The following CD96 variants were observed in gnomAD, a reference collection of about 807,000 sequenced individuals.
CD96 encodes CD96 molecule, also known as T-cell surface protein tactile.
CD96 carries 70 observed loss-of-function variants against 71.3 expected under a neutral mutation model. That is an observed-to-expected ratio of 0.98 (90% CI 0.81 to 1.20). CD96 has a LOEUF of 1.20. Among genes scored for constraint, CD96 ranks in the 50% most tolerant of loss-of-function variants. The pLI is 0.00. For missense variants in CD96, 742 were observed against 677.5 expected, an observed-to-expected ratio of 1.10 and a Z score of -1.06; for synonymous variants, 248 against 233.0, an observed-to-expected ratio of 1.06 and a Z score of -0.59.
intron 12 of CD96, among the ~76,000 whole-genome samples, chr3:111,645,315 A>G (rs1576430542): frequency 6.6e-6 from 1 of 152,264 alleles, no homozygotes; most frequent in Non-Finnish European, 1.5e-5. Flanking sequence ...GTGGGAAGCT[A>G]AGCTATGAGG....
downstream of CD96, among the ~76,000 whole-genome samples, chr3:111,656,668 G>T (rs1940237611): frequency 6.6e-6 from 1 of 152,174 alleles, no homozygotes; most frequent in African/African-American, 2.4e-5. Context: ...GAGTTAATGT[G>T]CAGTTGTAAA....
intron 3 of CD96, among the ~76,000 whole-genome samples, chr3:111,570,254 T>A (rs1342363484): frequency 1.3e-5 from 2 of 152,124 alleles, no homozygotes; most frequent in Admixed American, 1.3e-4. Flanking sequence ...CCAGCAGACC[T>A]ATTGGGAATT....
intron 4 of CD96, among the ~76,000 whole-genome samples, chr3:111,584,884 C>T (rs777986681): frequency 2.6e-5 from 4 of 152,268 alleles, no homozygotes; most frequent in South Asian, 2.1e-4. Context: ...ACCCATCCTC[C>T]GCTTGCACTA....
intron 2 of CD96, among the ~76,000 whole-genome samples, chr3:111,561,289 G>T (rs1422669554): frequency 6.7e-6 from 1 of 150,128 alleles, no homozygotes; most frequent in Non-Finnish European, 1.5e-5. Flanking sequence ...GGCGCTCTGC[G>T]TTTTAGAGTT....
intron 2 of CD96, among the ~76,000 whole-genome samples, chr3:111,555,685 G>C (rs1934969601): frequency 6.6e-6 from 1 of 152,286 alleles, no homozygotes; most frequent in African/African-American, 2.4e-5. Flanking sequence ...CCAGAAGTTT[G>C]ATTATGATGT....
chr3:111,552,041 A>G (rs1576303719), intron 2 of CD96, among the ~76,000 whole-genome samples: 1 of 152,172 alleles, frequency 6.6e-6, no homozygotes, highest in African/African-American at 2.4e-5. Flanking sequence ...GCATTTCTCT[A>G]ATTATCAGTG....
intron 10 of CD96, among the ~76,000 whole-genome samples, chr3:111,636,158 A>G (rs1939316018): frequency 6.6e-6 from 1 of 152,182 alleles, no homozygotes; most frequent in African/African-American, 2.4e-5. Context: ...CTTACTTCTC[A>G]GGTGACCCCA....
At chr3:111,628,848 G>A (rs538851569) in intron 10 of CD96, among the ~76,000 whole-genome samples, 1 of 152,304 alleles carries the variant, frequency 6.6e-6, no homozygotes, top group African/African-American at 2.4e-5. Flanking sequence ...AGAAGAGATT[G>A]GGAGCCTACA....
rs754382134 is a variant in CD96, at chr3:111,585,383, G to A, written c.807+5G>A. 6.3e-7 allele frequency: 1 copy of A among 1,586,498 alleles called. No homozygotes were observed. The highest frequency in any genetic ancestry group is 2.2e-5 in the East Asian group (1 of 44,674). On this transcript the variant is annotated splice_donor_5th_base_variant and intron_variant, in intron 5 of 13. Coordinates refer to ENST00000352690, the MANE Select transcript of CD96 (RefSeq NM_005816.5). ...TCCACGGATGTCTTGGTAGAGGTGA[G>A]TCACATAAAAGCCTTTGAAAATCTA...
intron 8 of CD96, among the ~76,000 whole-genome samples, chr3:111,621,593 T>C (rs1938521695): frequency 6.6e-6 from 1 of 152,202 alleles, no homozygotes; most frequent in Non-Finnish European, 1.5e-5. Context: ...AAAAGCAAAG[T>C]CTTCTTAATG....
At chr3:111,550,062 A>C (rs1237881849) in intron 2 of CD96, among the ~76,000 whole-genome samples, 2 of 152,206 alleles carry the variant, frequency 1.3e-5, no homozygotes, top group African/African-American at 2.4e-5. Flanking sequence ...GTGAGTCTTC[A>C]GAGGATAATG....
At chr3:111,579,398 A>G (rs1299181003) in intron 4 of CD96, 164 bp downstream of exon 4, 1 of 694,040 alleles carries the variant, frequency 1.4e-6, no homozygotes, top group Admixed American at 2.0e-5. Flanking sequence ...CAGGGGGATG[A>G]GGGTAGGATG....
chr3:111,555,271 A>C (rs2107499103), intron 2 of CD96, among the ~76,000 whole-genome samples: 1 of 152,426 alleles, frequency 6.6e-6, no homozygotes, highest in South Asian at 2.1e-4. Flanking sequence ...TCACATATGA[A>C]GACTACATAT....
intron 9 of CD96, 40 bp downstream of exon 9, chr3:111,623,862 C>T: frequency 7.9e-7 from 1 of 1,267,916 alleles, no homozygotes; most frequent in Non-Finnish European, 1.2e-6. Context: ...TGGAAAGAGA[C>T]AACACACTCA....
At chr3:111,592,977 C>G (rs1297858353) in intron 5 of CD96, 1 of 152,222 alleles carries the variant, frequency 6.6e-6, no homozygotes, top group African/African-American at 2.4e-5. Context: ...TTGGAAAGGT[C>G]CAAAGATCTG....
chr3:111,555,779 G>T (rs1472797332), intron 2 of CD96, among the ~76,000 whole-genome samples: 1 of 152,302 alleles, frequency 6.6e-6, no homozygotes, highest in South Asian at 2.1e-4. Context: ...TGGATGTGTA[G>T]ATTAATTTTA....
intron 7 of CD96, among the ~76,000 whole-genome samples, chr3:111,603,987 C>T (rs1937556801): frequency 6.6e-6 from 1 of 152,096 alleles, no homozygotes; most frequent in Non-Finnish European, 1.5e-5. Context: ...TGCTAAAATA[C>T]AAAAATTCTG....
At position 111,651,343 on chromosome 3, in the gene CD96, G is replaced by C. The variant is rs1162432933; in HGVS notation, c.*1537G>C. The stretch of plus-strand genomic sequence containing the variant: ...TTGTGTAACCTGAGGCCAGGATTAA[G>C]GGGAGGCAATCAATGCACCTAGGGA... On this transcript the variant is annotated 3_prime_UTR_variant, in exon 14 of 14. Coordinates refer to ENST00000352690, the MANE Select transcript of CD96 (RefSeq NM_005816.5). 2 of 152,222 alleles carry C rather than the reference G, an allele frequency of 1.3e-5. No homozygotes were observed. The highest frequency in any genetic ancestry group is 2.9e-5 in the Non-Finnish European group (2 of 68,092). 9.4% of individuals were successfully genotyped at this position (152,222 alleles called of 1,614,324 possible).
intron 8 of CD96, among the ~76,000 whole-genome samples, chr3:111,620,420 G>A (rs1460257716): frequency 6.6e-6 from 1 of 152,196 alleles, no homozygotes; most frequent in Non-Finnish European, 1.5e-5. Flanking sequence ...ATGTGAAGGG[G>A]CCTTAACCTT....
Sources: gnomAD v4.1 joint callset for allele counts (sites outside exome capture counted in the v4.1 genomes callset) on GRCh38, gnomAD v4.1.1 for gene constraint, MANE v1.5 for transcripts, NCBI Gene and HGNC (gene_info 2026-07-23, HGNC 2026-07-21) for gene names.